MED13L: variants seen among roughly 807,000 people sequenced by gnomAD.
MED13L encodes mediator of RNA polymerase II transcription subunit 13-like.
Under a neutral mutation model 220.9 loss-of-function variants are expected in MED13L, and 7 were observed. That is an observed-to-expected ratio of 0.03 (90% confidence interval 0.02 to 0.06). MED13L has a LOEUF of 0.06. Ranked by LOEUF, MED13L falls within the 10% of genes least tolerant of loss-of-function variation. The probability of loss-of-function intolerance (pLI) is 1.00; values close to 1 mark genes in which losing one functional copy is unlikely to be tolerated. For synonymous variants in MED13L, 1,011 were observed against 1,015.2 expected (o/e 1.00, Z 0.08); for missense variants, 1,965 against 2,760.5 (o/e 0.71, Z 6.46).
intron 4 of MED13L, among the ~76,000 whole-genome samples, chr12:116,028,156 T>C (rs2137474701): frequency 6.6e-6 from 1 of 152,368 alleles, no homozygotes; most frequent in South Asian, 2.1e-4. Flanking sequence ...AATGTTCATT[T>C]ATATTAACTG....
At chr12:116,025,154 G>A (rs1275107120) in intron 4 of MED13L, among the ~76,000 whole-genome samples, 1 of 152,122 alleles carries the variant, frequency 6.6e-6, no homozygotes. Context: ...AATCATCAGG[G>A]AAAGGAAATC....
intron 3 of MED13L, among the ~76,000 whole-genome samples, chr12:116,097,202 G>A (rs1346795894): frequency 6.6e-6 from 1 of 151,914 alleles, no homozygotes; most frequent in Non-Finnish European, 1.5e-5. Flanking sequence ...CTGGAGGGCA[G>A]TGGTGCAATC....
chr12:116,066,952 TAAG>T (rs1361277086), intron 4 of MED13L, among the ~76,000 whole-genome samples: 2 of 151,962 alleles, frequency 1.3e-5, no homozygotes, highest in Non-Finnish European at 2.9e-5. Context: ...GCATTACAAA[TAAG>T]AAATGTACAA....
At chr12:116,177,376 A>G (rs1423876608) in intron 2 of MED13L, among the ~76,000 whole-genome samples, 1 of 152,238 alleles carries the variant, frequency 6.6e-6, no homozygotes, top group Non-Finnish European at 1.5e-5. Flanking sequence ...AAATCTTTCC[A>G]AAGCTAGGCA....
At chr12:116,058,588 A>T (rs1869164270) in intron 4 of MED13L, among the ~76,000 whole-genome samples, 1 of 152,170 alleles carries the variant, frequency 6.6e-6, no homozygotes, top group Non-Finnish European at 1.5e-5. Flanking sequence ...CATTTATATG[A>T]CCTCCCACAA....
intron 2 of MED13L, among the ~76,000 whole-genome samples, chr12:116,189,285 T>C (rs1157750186): frequency 1.3e-5 from 2 of 152,192 alleles, no homozygotes; most frequent in East Asian, 3.8e-4. Context: ...CATCTTTTTA[T>C]ATGCTTACTT....
At chr12:116,203,382 G>A (rs1215667091) in intron 2 of MED13L, among the ~76,000 whole-genome samples, 1 of 150,754 alleles carries the variant, frequency 6.6e-6, no homozygotes, top group Non-Finnish European at 1.5e-5. Flanking sequence ...TAACTTTTCT[G>A]AAGCTTTTGT....
chr12:116,056,813 T>A (rs963411331), intron 4 of MED13L, among the ~76,000 whole-genome samples: 1 of 152,236 alleles, frequency 6.6e-6, no homozygotes, highest in Admixed American at 6.5e-5. Context: ...CTAATTCAAA[T>A]TGCTCTTAAT....
intron 1 of MED13L, among the ~76,000 whole-genome samples, chr12:116,258,915 AG>A (rs1403425846): frequency 6.7e-6 from 1 of 149,758 alleles, no homozygotes. Flanking sequence ...TTAAATATTG[AG>A]GGTTTTTTTT....
At chr12:116,065,002 G>A (rs1869811281) in intron 4 of MED13L, among the ~76,000 whole-genome samples, 1 of 152,096 alleles carries the variant, frequency 6.6e-6, no homozygotes. Context: ...GCATCACTAA[G>A]TGATTTCATT....
chr12:116,092,907 C>A (rs1399366409), intron 4 of MED13L, among the ~76,000 whole-genome samples: 1 of 152,056 alleles, frequency 6.6e-6, no homozygotes, highest in African/African-American at 2.4e-5. Flanking sequence ...CAAATTAACC[C>A]AGAAAATGAA....
At chr12:116,082,140 T>C (rs142482761) in intron 4 of MED13L, among the ~76,000 whole-genome samples, 2 of 152,342 alleles carry the variant, frequency 1.3e-5, no homozygotes, top group East Asian at 1.9e-4. Context: ...AAACTAAATA[T>C]AGAGATAACA....
intron 14 of MED13L, among the ~76,000 whole-genome samples, chr12:116,002,380 TA>T (rs1878799138): frequency 6.6e-6 from 1 of 152,206 alleles, no homozygotes; most frequent in Non-Finnish European, 1.5e-5. Context: ...GAGAAGGTGT[TA>T]AAGAATGATT....
intron 2 of MED13L, among the ~76,000 whole-genome samples, chr12:116,190,889 C>T (rs1383695512): frequency 6.6e-6 from 1 of 151,882 alleles, no homozygotes. Flanking sequence ...GTCAGAAGTT[C>T]GAGACCAGCC....
At chr12:116,069,288 C>T (rs76849682) in intron 4 of MED13L, among the ~76,000 whole-genome samples, 84 of 152,308 alleles carry the variant, frequency 5.5e-4, no homozygotes, top group African/African-American at 1.9e-3. Flanking sequence ...CAACTCCCTT[C>T]ACATATCACT....
chr12:116,126,297 T>C (rs1875580994), intron 2 of MED13L, among the ~76,000 whole-genome samples: 2 of 152,216 alleles, frequency 1.3e-5, no homozygotes, highest in South Asian at 4.1e-4. Context: ...TTCAATCCTA[T>C]GTTCTTTCGA....
rs1298577093 is a variant in MED13L at position 115,983,525 on chromosome 12, G to C, written c.4547C>G (p.Thr1516Ser). 1 of 1,614,136 alleles carries C rather than the reference G, an allele frequency of 6.2e-7. No individual in the cohort carries two copies. The change falls in exon 21 of 31, where the codon ACT (threonine) becomes AGT (serine). Residue 1516 changes from threonine to serine, a missense_variant. This residue lies in a region of MED13L where 510 missense variants were observed against 620.4 expected (regional missense o/e 0.82). Transcript: ENST00000281928. Reference sequence around the variant, plus strand: ...CAATAGGCTGCTATCAAGCTGCAGAGTGGCTAAATAAGGTGCTGAAAGAAT... The same window carrying C: ...CAATAGGCTGCTATCAAGCTGCAGACTGGCTAAATAAGGTGCTGAAAGAAT... ...CRHHLAPYLA[T>S]LQLDSSLLIP...
At chr12:116,092,874 A>C (rs1872352016) in intron 4 of MED13L, among the ~76,000 whole-genome samples, 1 of 152,058 alleles carries the variant, frequency 6.6e-6, no homozygotes, top group Admixed American at 6.6e-5. Context: ...AACAGAGTAG[A>C]TTTGCCCAAG....
intron 2 of MED13L, among the ~76,000 whole-genome samples, chr12:116,155,963 G>A (rs1224486459): frequency 2.0e-5 from 3 of 151,872 alleles, no homozygotes; most frequent in African/African-American, 7.3e-5. Context: ...CCATTATTGT[G>A]TATATAAATT....
Sources: gnomAD v4.1 joint callset for allele counts (sites outside exome capture counted in the v4.1 genomes callset) on GRCh38, gnomAD v4.1.1 for gene constraint, gnomAD v4.1.1 regional missense constraint, MANE v1.5 for transcripts, NCBI Gene and HGNC (gene_info 2026-07-23, HGNC 2026-07-21) for gene names.